The following MAST4 variants were observed in gnomAD, a reference collection of about 807,000 sequenced individuals.
The protein encoded by MAST4 is microtubule-associated serine/threonine-protein kinase 4.
In MAST4, 89 loss-of-function variants were observed where a neutral mutation model predicts 162.7. That is an observed-to-expected ratio of 0.55 (90% CI 0.46 to 0.65). The LOEUF is 0.65. Ranked by LOEUF, MAST4 falls within the 30% of genes least tolerant of loss-of-function variation. The probability of loss-of-function intolerance (pLI) is 0.00; values close to 1 mark genes in which losing one functional copy is unlikely to be tolerated. For synonymous variants in MAST4, 1,479 were observed against 1,361.1 expected, an observed-to-expected ratio of 1.09 and a Z score of -1.91; for missense variants, 3,153 against 3,374.0, an observed-to-expected ratio of 0.93 and a Z score of 1.62.
chr5:66,624,146 G>GTTTTTTTTTTTTT lies in MAST4; in HGVS notation c.363+27139_363+27151dup, dbSNP rs200030700. On this transcript the variant is annotated intron_variant, in intron 1 of 28. Transcript: ENST00000403625. ...TTGGAAGAATTAATATTGTTAAAAT[G>GTTTTTTTTTTTTT]TTTTTTTTTTTTTTTTTTTTTTTGA... is the stretch of plus-strand genomic sequence containing the variant. Among the ~76,000 whole-genome samples, 139 of 90,106 alleles carry GTTTTTTTTTTTTT rather than the reference G, an allele frequency of 1.5e-3. 13 individuals are homozygous for GTTTTTTTTTTTTT. The highest frequency in any genetic ancestry group is 2.2e-3 in the Non-Finnish European group (108 of 50,014). 59.1% of individuals were successfully genotyped at this position (90,106 alleles called of 152,430 possible).
chr5:66,659,419 G>T (rs971821476), intron 1 of MAST4, among the ~76,000 whole-genome samples: 1 of 152,156 alleles, frequency 6.6e-6, no homozygotes, highest in East Asian at 1.9e-4. Context: ...GATGCTGTAG[G>T]CAATGAGACA....
intron 1 of MAST4, among the ~76,000 whole-genome samples, chr5:66,711,273 ACTT>A (rs1042628360): frequency 2.6e-5 from 4 of 152,218 alleles, no homozygotes; most frequent in Non-Finnish European, 5.9e-5. Flanking sequence ...AGTACAAGCT[ACTT>A]CTTTTCTGAA....
chr5:66,685,124 C>T (rs867162008), intron 1 of MAST4, among the ~76,000 whole-genome samples: 6 of 151,866 alleles, frequency 4.0e-5, no homozygotes, highest in South Asian at 2.1e-4. Context: ...TAGCTAGGCG[C>T]GGTGGTGCAC....
intron 1 of MAST4, among the ~76,000 whole-genome samples, chr5:66,713,075 C>G (rs910366897): frequency 7.9e-5 from 12 of 152,164 alleles, no homozygotes; most frequent in South Asian, 6.2e-4. Context: ...CCTTTTTTTA[C>G]TTCTCTAAAT....
intron 3 of MAST4, among the ~76,000 whole-genome samples, chr5:66,793,580 T>A (rs1327780395): frequency 5.3e-5 from 8 of 152,230 alleles, no homozygotes; most frequent in Non-Finnish European, 7.3e-5. Flanking sequence ...TAAGCCTTGA[T>A]GATGGAAGTT....
At chr5:67,020,512 A>C (rs1419476758) in intron 4 of MAST4, among the ~76,000 whole-genome samples, 1 of 152,196 alleles carries the variant, frequency 6.6e-6, no homozygotes, top group Non-Finnish European at 1.5e-5. Flanking sequence ...CGTCCTCCAT[A>C]TTTTGGGATA....
In MAST4 at chr5:66,596,935, G is replaced by A. The variant is rs987891777; in HGVS notation, c.280G>A (p.Ala94Thr). ...CGTGCTGCTGGAGCGCGGAGTCCTT[G>A]CGCTGCCGCCGCCGCTTCCCGGAGG... ...ASVLLERGVLALPPPLPGGAV... is the reference protein window; with the variant it reads ...ASVLLERGVLTLPPPLPGGAV... Residue 94 changes from alanine (A) to threonine (T), a missense_variant, in exon 1 of 29, where the codon GCG becomes ACG. Around this residue, in one of 7 missense-constraint regions of MAST4, gnomAD observed 327 missense variants for 336.5 expected, o/e 0.97. Transcript: ENST00000403625. The A allele has an allele frequency of 8.1e-6, 11 of 1,352,628 alleles. No homozygotes were observed. The highest frequency in any genetic ancestry group is 9.5e-7 in the Non-Finnish European group (1 of 1,049,722). The allele number at this position is 1,352,628 out of a possible 1,614,324, so 83.8% of individuals were successfully genotyped here.
rs1773983296 is a variant in MAST4, at chr5:67,166,431, A to G, written c.7252A>G (p.Arg2418Gly). 3 of 1,605,384 alleles carry G rather than the reference A, an allele frequency of 1.9e-6. No individual in the cohort carries two copies. Among genetic ancestry groups the G allele is most frequent in the African/African-American group, 2.7e-5 (2 of 74,760 alleles). The change falls in exon 29 of 29, where the codon AGA (arginine) becomes GGA (glycine). Residue 2418 changes from arginine (R) to glycine (G), a missense_variant. By Grantham distance (125) the Arg-to-Gly change is moderately radical. This residue lies in a region of MAST4 where 1,644 missense variants were observed against 1,495.0 expected (regional missense o/e 1.10). Transcript: ENST00000403625. ...AGVGKGFPEARGKGPGPQKPP... is the reference protein window; with the variant it reads ...AGVGKGFPEAGGKGPGPQKPP... ...GGTGGGGAAGGGCTTCCCTGAGGCC[A>G]GAGGGAAAGGGCCCGGTCCCCAGAA...
intron 4 of MAST4, among the ~76,000 whole-genome samples, chr5:67,053,400 G>C (rs1489030106): frequency 3.3e-5 from 5 of 152,150 alleles, no homozygotes; most frequent in Admixed American, 3.3e-4. Flanking sequence ...GCACTAAGAA[G>C]GCATTGCAAT....
intron 3 of MAST4, among the ~76,000 whole-genome samples, chr5:66,873,753 G>C (rs944221508): frequency 6.6e-6 from 1 of 152,066 alleles, no homozygotes; most frequent in Non-Finnish European, 1.5e-5. Context: ...TTCCACTAAG[G>C]CTCCTTAGAA....
intron 10 of MAST4, among the ~76,000 whole-genome samples, chr5:67,104,852 G>A (rs1334418686): frequency 6.6e-6 from 1 of 152,158 alleles, no homozygotes; most frequent in Non-Finnish European, 1.5e-5. Flanking sequence ...GGATTTTGAA[G>A]CAGTGATTTT....
At chr5:67,054,364 A>G (rs1195190057) in intron 4 of MAST4, 40 bp from the exon 5 acceptor site, 5 of 1,508,422 alleles carry the variant, frequency 3.3e-6, no homozygotes, top group Non-Finnish European at 4.5e-6. Flanking sequence ...TATTGATGCT[A>G]TATTCTTTTT....
intron 4 of MAST4, chr5:67,004,894 T>TC: frequency 1.9e-6 from 1 of 519,250 alleles, no homozygotes; most frequent in Non-Finnish European, 3.5e-6. Context: ...ATAATTGGGA[T>TC]TTTTTTTTTA....
At chr5:67,108,964 GA>G (rs948998194) in intron 10 of MAST4, among the ~76,000 whole-genome samples, 24 of 152,018 alleles carry the variant, frequency 1.6e-4, no homozygotes, top group Admixed American at 1.1e-3. Context: ...CAAAGATTAA[GA>G]GAGCCTAAAA....
In MAST4 at chr5:67,125,715, G is replaced by C. The variant is rs145848409; in HGVS notation, c.1746-4495G>C. On this transcript the variant is annotated intron_variant, in intron 14 of 28. Coordinates refer to ENST00000403625, the MANE Select transcript of MAST4 (RefSeq NM_001164664.2). ...GTGAACAGTGCCACAATAAATATAC[G>C]TGTGCATGTGTCTTAATAGTAGAAT... is the stretch of plus-strand genomic sequence containing the variant. Among the ~76,000 whole-genome samples the C allele has an allele frequency of 5.2e-3, 790 of 152,130 alleles. 6 individuals carry two copies. The highest frequency in any genetic ancestry group is 0.017 in the African/African-American group (689 of 41,492).
intron 3 of MAST4, among the ~76,000 whole-genome samples, chr5:66,856,881 G>A (rs915725814): frequency 6.6e-6 from 1 of 152,200 alleles, no homozygotes; most frequent in Non-Finnish European, 1.5e-5. Context: ...TGAAAAGGTT[G>A]TGAAATGCTG....
At chr5:67,061,132 C>T (rs1759526371) in intron 5 of MAST4, among the ~76,000 whole-genome samples, 1 of 150,794 alleles carries the variant, frequency 6.6e-6, no homozygotes, top group Non-Finnish European at 1.5e-5. Flanking sequence ...TTATTGTATT[C>T]TTCAGTCTTT....
chr5:66,792,042 T>G (rs921206453), intron 3 of MAST4: 11 of 153,826 alleles, frequency 7.2e-5, no homozygotes, highest in African/African-American at 2.4e-4. Context: ...AAAGTTGATC[T>G]GTTTCGTGTT....
intron 4 of MAST4, among the ~76,000 whole-genome samples, chr5:66,975,974 G>A (rs1227489664): frequency 6.6e-6 from 1 of 152,056 alleles, no homozygotes; most frequent in Non-Finnish European, 1.5e-5. Flanking sequence ...CTCCAGCCAG[G>A]GTGACAGAGC....
Sources: allele counts gnomAD v4.1 joint callset (sites outside exome capture counted in the v4.1 genomes callset), GRCh38; gene constraint gnomAD v4.1.1; regional missense constraint gnomAD v4.1.1; transcripts MANE v1.5; gene names NCBI Gene and HGNC (gene_info 2026-07-23, HGNC 2026-07-21).